C8orf34: variants seen among roughly 807,000 people sequenced by gnomAD.
The protein encoded by C8orf34 is chromosome 8 open reading frame 34.
A neutral mutation model predicts 68.3 loss-of-function variants in C8orf34; 65 were observed. The observed-to-expected ratio is 0.95, with a 90% CI of 0.78 to 1.17. The LOEUF (loss-of-function observed/expected upper bound fraction) is 1.17, where lower values mean the gene tolerates loss of function less well. C8orf34 is among the 50% of genes most tolerant of loss of function. C8orf34 has a pLI of 0.00. For synonymous variants in C8orf34, 244 were observed against 241.2 expected (o/e 1.01, Z -0.11); for missense variants, 664 against 655.4 (o/e 1.01, Z -0.14).
At chr8:68,469,423 G>A (rs962540921) in intron 4 of C8orf34, among the ~76,000 whole-genome samples, 1 of 151,928 alleles carries the variant, frequency 6.6e-6, no homozygotes, top group African/African-American at 2.4e-5. Flanking sequence ...AGAAAGACAT[G>A]ATTATGCCGC....
chr8:68,468,232 A>T (rs1812230766), intron 3 of C8orf34, among the ~76,000 whole-genome samples: 2 of 152,036 alleles, frequency 1.3e-5, no homozygotes, highest in Non-Finnish European at 2.9e-5. Context: ...TGAGGAAAAA[A>T]ATCCCTTCAC....
chr8:68,373,714 A>G (rs1807665717), intron 1 of C8orf34, among the ~76,000 whole-genome samples: 1 of 152,124 alleles, frequency 6.6e-6, no homozygotes, highest in African/African-American at 2.4e-5. Flanking sequence ...TGTTTTCTCT[A>G]TGTTGATTTT....
chr8:68,640,483 A>G lies in C8orf34; in HGVS notation c.1213A>G (p.Thr405Ala), dbSNP rs372651462. 2.5e-6 allele frequency: 4 copies of G among 1,613,842 alleles called. No homozygotes were observed. Among genetic ancestry groups the G allele is most frequent in the Non-Finnish European group, 3.4e-6 (4 of 1,179,904 alleles). Residue 405 changes from threonine (T) to alanine (A), a missense_variant, in exon 8 of 14, where the codon ACA becomes GCA. Coordinates refer to ENST00000518698, the MANE Select transcript of C8orf34 (RefSeq NM_052958.4). ...TYPAEPQAKV[T>A]LNICSRCARL... ...CCCTGCTGAGCCTCAGGCCAAGGTC[A>G]CACTGAACATCTGTTCAAGGTGTGC...
At chr8:68,566,648 C>T (rs946635721) in intron 7 of C8orf34, among the ~76,000 whole-genome samples, 10 of 152,168 alleles carry the variant, frequency 6.6e-5, no homozygotes, top group African/African-American at 2.4e-4. Flanking sequence ...TGAAGAGAAC[C>T]AGGTCCTTGC....
chr8:68,749,285 C>G (rs1027356588), intron 10 of C8orf34, among the ~76,000 whole-genome samples: 8 of 151,660 alleles, frequency 5.3e-5, no homozygotes, highest in African/African-American at 1.2e-4. Context: ...ATACCTAATG[C>G]GAGATGACGA....
At chr8:68,451,593 G>C (rs1266111605) in intron 3 of C8orf34, among the ~76,000 whole-genome samples, 1 of 152,058 alleles carries the variant, frequency 6.6e-6, no homozygotes, top group Non-Finnish European at 1.5e-5. Flanking sequence ...GGAGAGAGGT[G>C]AGGGAATGGC....
chr8:68,638,880 T>C (rs1407635771), intron 7 of C8orf34, among the ~76,000 whole-genome samples: 2 of 152,100 alleles, frequency 1.3e-5, no homozygotes, highest in Non-Finnish European at 2.9e-5. Flanking sequence ...TAATATTGGG[T>C]CACGGTTTTC....
chr8:68,352,565 AG>A (rs1371691984), intron 1 of C8orf34, among the ~76,000 whole-genome samples: 2 of 152,052 alleles, frequency 1.3e-5, no homozygotes, highest in African/African-American at 4.8e-5. Context: ...GCTGGGGAAA[AG>A]TGATCCAGCT....
At chr8:68,716,742 TATAATCTAAAACCTAGAA>T (rs1360111911) in intron 9 of C8orf34, among the ~76,000 whole-genome samples, 2 of 152,110 alleles carry the variant, frequency 1.3e-5, no homozygotes, top group Non-Finnish European at 2.9e-5. Context: ...TGAGCATTTA[TATAATCTAAAACCTAGAA>T]ACTCCATTTC....
intron 1 of C8orf34, among the ~76,000 whole-genome samples, chr8:68,402,376 C>T (rs576489209): frequency 6.6e-5 from 10 of 151,822 alleles, no homozygotes; most frequent in Non-Finnish European, 1.2e-4. Flanking sequence ...TTCATTGATC[C>T]TTTGTATTGT....
chr8:68,346,115 T>C (rs1041578830), intron 1 of C8orf34, among the ~76,000 whole-genome samples: 3 of 152,210 alleles, frequency 2.0e-5, no homozygotes, highest in African/African-American at 4.8e-5. Flanking sequence ...AATATGTATG[T>C]AGAACTGCCT....
At chr8:68,332,286 C>T (rs545752888) in intron 1 of C8orf34, among the ~76,000 whole-genome samples, 2 of 150,146 alleles carry the variant, frequency 1.3e-5, no homozygotes, top group South Asian at 2.1e-4. Flanking sequence ...GGAGGGACTC[C>T]CTTGGTCCCA....
intron 8 of C8orf34, among the ~76,000 whole-genome samples, chr8:68,691,913 G>C (rs1820696379): frequency 6.6e-6 from 1 of 152,076 alleles, no homozygotes. Context: ...TTATAAGTTT[G>C]TGTTAAGAAT....
At position 68,461,959 on chromosome 8, in the gene C8orf34, G is replaced by A. The variant is rs527318293; in HGVS notation, c.608-6733G>A. Among the ~76,000 whole-genome samples, 328 of 152,260 alleles carry A rather than the reference G, an allele frequency of 2.2e-3. 1 individual carries two copies. Among genetic ancestry groups the A allele is most frequent in the African/African-American group, 7.1e-3 (297 of 41,562 alleles). ...ATAACAATATTACCTTTAAATGTAAGTGGACTAAATGCTCCAATTAAAAGA... is the reference window on the plus strand; with the variant it reads ...ATAACAATATTACCTTTAAATGTAAATGGACTAAATGCTCCAATTAAAAGA... On this transcript the variant is annotated intron_variant, in intron 3 of 13. Transcript: ENST00000518698.
chr8:68,618,651 C>T (rs1387519992), intron 7 of C8orf34, among the ~76,000 whole-genome samples: 2 of 152,132 alleles, frequency 1.3e-5, no homozygotes, highest in East Asian at 1.9e-4. Context: ...TATAAGCATG[C>T]ACCACTCTAC....
At chr8:68,526,488 C>T (rs1814993734) in intron 6 of C8orf34, among the ~76,000 whole-genome samples, 1 of 152,086 alleles carries the variant, frequency 6.6e-6, no homozygotes, top group Admixed American at 6.5e-5. Flanking sequence ...TTTGTTACTG[C>T]TCAGTTCACA....
At chr8:68,376,429 G>A (rs1407684451) in intron 1 of C8orf34, among the ~76,000 whole-genome samples, 1 of 152,074 alleles carries the variant, frequency 6.6e-6, no homozygotes, top group Non-Finnish European at 1.5e-5. Context: ...GAGATGTTTG[G>A]CCTAATTGAA....
chr8:68,406,370 T>C (rs1809194081), intron 1 of C8orf34, among the ~76,000 whole-genome samples: 1 of 152,104 alleles, frequency 6.6e-6, no homozygotes, highest in South Asian at 2.1e-4. Flanking sequence ...GATGACCCAG[T>C]TGGGAGAGAT....
intron 12 of C8orf34, 132 bp from the exon 13 acceptor site, chr8:68,815,754 A>G (rs1479033472): frequency 6.9e-7 from 1 of 1,453,064 alleles, no homozygotes; most frequent in Non-Finnish European, 9.4e-7. Context: ...AGCACAGTAC[A>G]TACTATAAAT....
Sources: gnomAD v4.1 joint callset for allele counts (sites outside exome capture counted in the v4.1 genomes callset) on GRCh38, gnomAD v4.1.1 for gene constraint, MANE v1.5 for transcripts, NCBI Gene and HGNC (gene_info 2026-07-23, HGNC 2026-07-21) for gene names.